The following ERG variants were observed in gnomAD, a reference collection of about 807,000 sequenced individuals.
The protein encoded by ERG is transcriptional regulator ERG.
In ERG, 9 loss-of-function variants were observed where a neutral mutation model predicts 55.3. That is an observed-to-expected ratio of 0.16 (90% confidence interval 0.10 to 0.28). ERG has a LOEUF of 0.28. Ranked by LOEUF, ERG falls within the 10% of genes least tolerant of loss-of-function variation. The pLI, the probability that ERG is intolerant of heterozygous loss-of-function variation, is 1.00. For missense variants in ERG, 434 were observed against 631.6 expected (o/e 0.69, Z 3.35); for synonymous variants, 223 against 237.3 (o/e 0.94, Z 0.55).
chr21:38,505,804 G>C (rs115975857), intron 2 of ERG, among the ~76,000 whole-genome samples: 51 of 152,274 alleles, frequency 3.3e-4, no homozygotes, highest in African/African-American at 1.1e-3. Flanking sequence ...TGACTTGCCA[G>C]CTAGAAACCA....
chr21:38,635,351 A>T (rs904719380), intron 1 of ERG, among the ~76,000 whole-genome samples: 1 of 152,192 alleles, frequency 6.6e-6, no homozygotes, highest in African/African-American at 2.4e-5. Flanking sequence ...AGCAGGCCCT[A>T]ATGTAAACTA....
intron 1 of ERG, among the ~76,000 whole-genome samples, chr21:38,628,955 A>G (rs1371590080): frequency 6.6e-6 from 1 of 152,186 alleles, no homozygotes; most frequent in East Asian, 1.9e-4. Context: ...ACCTTTCTAA[A>G]CAAATTATCA....
chr21:38,511,499 A>G (rs952160245), intron 2 of ERG, among the ~76,000 whole-genome samples: 1 of 152,208 alleles, frequency 6.6e-6, no homozygotes, highest in African/African-American at 2.4e-5. Flanking sequence ...ATAAGACACA[A>G]TCATATCATA....
At chr21:38,476,368 A>G (rs1382099280) in intron 1 of ERG, among the ~76,000 whole-genome samples, 1 of 152,180 alleles carries the variant, frequency 6.6e-6, no homozygotes, top group Non-Finnish European at 1.5e-5. Flanking sequence ...CTCCACGTTT[A>G]GGTTTAGGAG....
chr21:38,391,054 A>G lies in ERG; in HGVS notation c.872-12T>C, dbSNP rs368796816. On this transcript the variant is annotated splice_polypyrimidine_tract_variant and intron_variant, in intron 8 of 9. Transcript: ENST00000288319. Reference sequence around the variant, plus strand: ...AATCTGATAAGGATCTACAGCAAAAAGAAACAAAGTCAAATCCTAGACATA... The same window carrying G: ...AATCTGATAAGGATCTACAGCAAAAGGAAACAAAGTCAAATCCTAGACATA... 4 of 1,610,502 alleles carry G rather than the reference A, an allele frequency of 2.5e-6. No individual in the cohort carries two copies. The highest frequency in any genetic ancestry group is 2.7e-5 in the African/African-American group (2 of 74,864).
chr21:38,548,052 CA>C (rs1307544427), intron 2 of ERG, among the ~76,000 whole-genome samples: 2 of 151,606 alleles, frequency 1.3e-5, no homozygotes, highest in African/African-American at 2.4e-5. Context: ...TATTTTTCTC[CA>C]AAAAAAATTC....
the ERG span, among the ~76,000 whole-genome samples, chr21:38,372,793 A>G: frequency 6.6e-6 from 1 of 150,794 alleles, no homozygotes; most frequent in Admixed American, 6.6e-5. Context: ...CTCTAACCCC[A>G]TTAAGTCAAG....
chr21:38,390,563 A>G (rs1282119407), intron 9 of ERG, among the ~76,000 whole-genome samples: 2 of 152,170 alleles, frequency 1.3e-5, no homozygotes, highest in African/African-American at 4.8e-5. Context: ...ACACACAGAG[A>G]GATGATGATG....
At chr21:38,525,697 G>A (rs572261011) in intron 2 of ERG, among the ~76,000 whole-genome samples, 1 of 152,310 alleles carries the variant, frequency 6.6e-6, no homozygotes, top group African/African-American at 2.4e-5. Flanking sequence ...AGAGGCACCT[G>A]CATATCTGTG....
At chr21:38,420,178 T>G (rs983423712) in intron 3 of ERG, among the ~76,000 whole-genome samples, 7 of 152,172 alleles carry the variant, frequency 4.6e-5, no homozygotes, top group Admixed American at 1.3e-4. Context: ...CAAATCTGCC[T>G]TAGTGAGGTG....
intron 1 of ERG, among the ~76,000 whole-genome samples, chr21:38,653,761 A>G (rs937793077): frequency 6.6e-6 from 1 of 152,222 alleles, no homozygotes; most frequent in South Asian, 2.1e-4. Context: ...GTGTCTTAAC[A>G]GTCCCTGTAT....
In ERG at chr21:38,491,165, T is replaced by G. The variant is rs146768554; in HGVS notation, c.18+7198A>C. Among the ~76,000 whole-genome samples, 203 of 151,536 alleles carry G rather than the reference T, an allele frequency of 1.3e-3. 1 individual carries two copies. Among genetic ancestry groups the G allele is most frequent in the African/African-American group, 4.8e-3 (198 of 41,334 alleles). On this transcript the variant is annotated intron_variant, in intron 1 of 9. Coordinates refer to ENST00000288319, the MANE Select transcript of ERG (RefSeq NM_182918.4). ...TCTAAAGTGTTGTTTCAACAGTTTC[T>G]TCTTCCTCAAAGGTGAGCATCATGT...
intron 3 of ERG, among the ~76,000 whole-genome samples, chr21:38,406,604 G>A (rs917736399): frequency 5.3e-5 from 8 of 151,990 alleles, no homozygotes; most frequent in South Asian, 2.1e-4. Context: ...TGATGTTAGC[G>A]AAACCCACCT....
chr21:38,655,116 A>G (rs1207378357), intron 1 of ERG, among the ~76,000 whole-genome samples: 2 of 152,148 alleles, frequency 1.3e-5, no homozygotes, highest in African/African-American at 4.8e-5. Flanking sequence ...TTCACTTATT[A>G]TTTATACTCT....
chr21:38,518,806 T>G (rs1367030992), intron 2 of ERG, among the ~76,000 whole-genome samples: 2 of 152,040 alleles, frequency 1.3e-5, no homozygotes, highest in South Asian at 4.2e-4. Context: ...AGAAAAAAAT[T>G]AGGAACTTAA....
At chr21:38,534,190 T>C (rs2059692893) in intron 2 of ERG, among the ~76,000 whole-genome samples, 1 of 152,212 alleles carries the variant, frequency 6.6e-6, no homozygotes, top group Non-Finnish European at 1.5e-5. Flanking sequence ...ATTCTCAGCA[T>C]ACAGTCCTGG....
intron 1 of ERG, among the ~76,000 whole-genome samples, chr21:38,611,779 C>T (rs1416389941): frequency 6.6e-6 from 1 of 152,160 alleles, no homozygotes; most frequent in African/African-American, 2.4e-5. Flanking sequence ...TGGCTCCCCG[C>T]TGCATCCTCG....
At chr21:38,412,007 A>G (rs1415338080) in intron 3 of ERG, among the ~76,000 whole-genome samples, 1 of 151,902 alleles carries the variant, frequency 6.6e-6, no homozygotes, top group Non-Finnish European at 1.5e-5. Flanking sequence ...TTCTATTTCT[A>G]TTTTTGTCAG....
At chr21:38,368,313 C>T in the ERG span, among the ~76,000 whole-genome samples, 22 of 152,222 alleles carry the variant, frequency 1.4e-4, 1 homozygote, top group African/African-American at 5.1e-4. Context: ...TCTCTGCTTT[C>T]AAAATGTAAA....
Sources: allele counts gnomAD v4.1 joint callset (sites outside exome capture counted in the v4.1 genomes callset), GRCh38; gene constraint gnomAD v4.1.1; transcripts MANE v1.5; gene names NCBI Gene and HGNC (gene_info 2026-07-23, HGNC 2026-07-21).